Variants in TRAF3IP3 observed in about 807,000 individuals in gnomAD.
TRAF3IP3 encodes the protein TRAF3 interacting protein 3, also known as TRAF3-interacting JNK-activating modulator.
In TRAF3IP3, 64 loss-of-function variants were observed where a neutral mutation model predicts 86.5. That is an observed-to-expected ratio of 0.74 (90% CI 0.60 to 0.91). The LOEUF is 0.91. TRAF3IP3 is among the 40% of genes least tolerant of loss of function. TRAF3IP3 has a pLI of 0.00. For synonymous variants in TRAF3IP3, 220 were observed against 243.9 expected, an observed-to-expected ratio of 0.90 and a Z score of 0.91; for missense variants, 579 against 642.9, an observed-to-expected ratio of 0.90 and a Z score of 1.07.
chr1:209,780,228 A>G, intron 14 of TRAF3IP3: 2 of 309,748 alleles, frequency 6.5e-6, no homozygotes, highest in Non-Finnish European at 1.2e-5. Flanking sequence ...ACTAGATAAG[A>G]CTGGGGATAC....
intron 11 of TRAF3IP3, 49 bp from the exon 12 acceptor site, chr1:209,777,303 C>T: frequency 2.0e-6 from 3 of 1,513,512 alleles, no homozygotes; most frequent in Non-Finnish European, 2.7e-6. Flanking sequence ...CCCCAACCTC[C>T]ACCCCAACAC....
chr1:209,760,323 A>G lies in TRAF3IP3; in HGVS notation c.284A>G (p.Gln95Arg), dbSNP rs142059712. Residue 95 changes from glutamine (Q) to arginine (R), a missense_variant, in exon 3 of 17, where the codon CAG becomes CGG. By Grantham distance (43) the Gln-to-Arg change is conservative. Coordinates refer to ENST00000367025, the MANE Select transcript of TRAF3IP3 (RefSeq NM_025228.4). ...CAAGGGCCCTCCAGGCGGCCAGGAC[A>G]GGTGACTGTCCTCAAGGAACCCTTG... ...REQGPSRRPG[Q>R]VTVLKEPLSC... 1.4e-5 allele frequency: 22 copies of G among 1,613,740 alleles called. No individual in the cohort carries two copies. The African/African-American group carries it at 2.8e-4, about 21-fold the overall frequency.
At chr1:209,757,439 T>A (rs2077174060) in intron 1 of TRAF3IP3, among the ~76,000 whole-genome samples, 1 of 152,132 alleles carries the variant, frequency 6.6e-6, no homozygotes, top group South Asian at 2.1e-4. Context: ...ACCTCACACC[T>A]TATGTGTGAC....
rs2077682267 is a variant in TRAF3IP3 at position 209,777,499 on chromosome 1, C to T, written c.1189+12C>T. On this transcript the variant is annotated intron_variant, in intron 12 of 16. Coordinates refer to ENST00000367025, the MANE Select transcript of TRAF3IP3 (RefSeq NM_025228.4). ...CCAGGACCTACAAGGTACTCTTCTC[C>T]TTGGAGGCCTTGAGTGCATGGCAGC... The T allele has an allele frequency of 6.2e-7, 1 of 1,600,242 alleles. No homozygotes were observed. The highest frequency in any genetic ancestry group is 8.5e-7 in the Non-Finnish European group (1 of 1,171,170).
intron 1 of TRAF3IP3, among the ~76,000 whole-genome samples, chr1:209,757,097 A>G (rs1194251253): frequency 1.3e-5 from 2 of 152,204 alleles, no homozygotes; most frequent in Non-Finnish European, 2.9e-5. Context: ...AAACCTGGGT[A>G]GGGTTCTATG....
intron 8 of TRAF3IP3, among the ~76,000 whole-genome samples, chr1:209,765,952 T>A (rs954943592): frequency 6.6e-6 from 1 of 152,226 alleles, no homozygotes; most frequent in African/African-American, 2.4e-5. Flanking sequence ...AATTAGTATG[T>A]ACTATAAATT....
chr1:209,780,440 C>T (rs575249785), intron 14 of TRAF3IP3, 30 bp from the exon 15 acceptor site: 2 of 1,523,746 alleles, frequency 1.3e-6, no homozygotes, highest in Middle Eastern at 2.4e-4. Flanking sequence ...GTGGGCCTCA[C>T]TGTCACCAAG....
rs558796392 is a variant in TRAF3IP3, at chr1:209,762,850, C to A, written c.531C>A (p.Asn177Lys). Residue 177 changes from asparagine (N) to lysine (K), a missense_variant, in exon 5 of 17, where the codon AAC (asparagine) becomes AAA (lysine). Transcript: ENST00000367025. ...QTKAEGPTIK[N>K]DASQQTNYGV... ...AGGCAGAAGGACCAACAATTAAGAACGATGCCAGTCAGCAAACCAAGTGAG... is the reference window on the plus strand; with the variant it reads ...AGGCAGAAGGACCAACAATTAAGAAAGATGCCAGTCAGCAAACCAAGTGAG... The A allele has an allele frequency of 1.9e-6, 3 of 1,614,192 alleles. No homozygotes were observed. The highest frequency in any genetic ancestry group is 2.5e-6 in the Non-Finnish European group (3 of 1,180,042).
At chr1:209,770,632 C>T (rs1334725487) in intron 8 of TRAF3IP3, among the ~76,000 whole-genome samples, 1 of 131,762 alleles carries the variant, frequency 7.6e-6, no homozygotes, top group Non-Finnish European at 1.6e-5. Flanking sequence ...AAGTTGTGTG[C>T]AGGTGGAGGT....
chr1:209,772,064 T>C (rs2077554552), intron 8 of TRAF3IP3, among the ~76,000 whole-genome samples: 1 of 151,870 alleles, frequency 6.6e-6, no homozygotes, highest in Non-Finnish European at 1.5e-5. Context: ...TGAAGGTGTG[T>C]GTATATGGAG....
In TRAF3IP3 at chr1:209,762,592, C is replaced by A; in HGVS notation, c.423C>A (p.His141Gln). The change falls in exon 4 of 17, where the codon CAC becomes CAA. Residue 141 changes from histidine (H) to glutamine (Q), a missense_variant. Coordinates refer to ENST00000367025, the MANE Select transcript of TRAF3IP3 (RefSeq NM_025228.4). ...PSGICRDLSD[H>Q]LSSQAGGLPP... is the part of the protein sequence containing the mutation. ...GCATCTGCAGGGATCTGTCTGACCA[C>A]CTCTCCTCACAGGCTGGGGGCCTTC... The A allele has an allele frequency of 6.6e-7, 1 of 1,514,594 alleles. No homozygotes were observed. The highest frequency in any genetic ancestry group is 8.8e-7 in the Non-Finnish European group (1 of 1,134,050). The allele number at this position is 1,514,594 out of a possible 1,614,324, so 93.8% of individuals were successfully genotyped here. A position where few individuals can be genotyped will look rare whatever the true frequency, so the allele number is the denominator to read the frequency against.
At chr1:209,766,402 C>G (rs1311327152) in intron 8 of TRAF3IP3, among the ~76,000 whole-genome samples, 3 of 152,208 alleles carry the variant, frequency 2.0e-5, no homozygotes. Flanking sequence ...GCATTACAGT[C>G]CTAACTCTTG....
At chr1:209,768,079 C>T in intron 8 of TRAF3IP3, 1 of 931,138 alleles carries the variant, frequency 1.1e-6, no homozygotes, top group Non-Finnish European at 1.3e-6. Flanking sequence ...GGTAATTCAA[C>T]TCTCTATCTC....
rs755007320 is a variant in TRAF3IP3, at chr1:209,763,501, C to T, written c.616C>T (p.Gln206Ter). ...GTGCCCGCACCCCCAGGAGGCCCTA[C>T]AAAGGGAGCTGGTCCTAAAACAGAA... Reference protein sequence around the residue: ...QLSDYLKEALQRELVLKQKMV... With the variant: ...QLSDYLKEAL The change falls in exon 8 of 17, where the codon CAA (glutamine) becomes TAA (stop). Residue 206 changes from glutamine (Q) to a stop codon, truncating the protein, a stop_gained. Coordinates refer to ENST00000367025, the MANE Select transcript of TRAF3IP3 (RefSeq NM_025228.4). LOFTEE classifies it high-confidence loss of function. The T allele has an allele frequency of 1.2e-6, 2 of 1,614,188 alleles. No homozygotes were observed. The highest frequency in any genetic ancestry group is 3.3e-5 in the Admixed American group (2 of 60,028).
chr1:209,770,917 TGAA>T (rs1394304547), intron 8 of TRAF3IP3, among the ~76,000 whole-genome samples: 3 of 129,944 alleles, frequency 2.3e-5, no homozygotes, highest in Non-Finnish European at 3.2e-5. Flanking sequence ...CGTGTGCAGG[TGAA>T]GGTGTGCGTG....
rs1427222578 is a variant in TRAF3IP3 at position 209,781,404 on chromosome 1, T to C, written c.1509T>C (p.Arg503=). 1 of 1,613,856 alleles carries C rather than the reference T, an allele frequency of 6.2e-7. No individual in the cohort carries two copies. The highest frequency in any genetic ancestry group is 1.1e-5 in the South Asian group (1 of 91,074). The change falls in exon 16 of 17, where the codon CGT becomes CGC. Residue 503 remains arginine, a synonymous_variant. Coordinates refer to ENST00000367025, the MANE Select transcript of TRAF3IP3 (RefSeq NM_025228.4). ...NLSDEYLSCL[R]KLQHCREELN... Reference sequence around the variant, plus strand: ...GTGACGAGTATCTCTCCTGCCTGCGTAAGCTGCAGCACTGTCGAGAAGAGC... The same window carrying C: ...GTGACGAGTATCTCTCCTGCCTGCGCAAGCTGCAGCACTGTCGAGAAGAGC...
intron 1 of TRAF3IP3, among the ~76,000 whole-genome samples, chr1:209,757,557 C>G (rs1020399167): frequency 2.6e-5 from 4 of 152,050 alleles, no homozygotes; most frequent in African/African-American, 4.8e-5. Context: ...ACCCAGAGGT[C>G]AGAAGTAAAT....
Position 209,762,643 on chromosome 1 carries a change from G to A in TRAF3IP3, c.474G>A (p.Lys158=). The change falls in exon 4 of 17, where the codon AAG becomes AAA. Residue 158 remains lysine, a synonymous_variant. Coordinates refer to ENST00000367025, the MANE Select transcript of TRAF3IP3 (RefSeq NM_025228.4). ...GLPPQDTPIK[K]PPKHHRGTQT... is the part of the protein sequence containing the mutation. Reference sequence around the variant, plus strand: ...CTCCACAGGACACTCCCATCAAGAAGCCACCCAAACACCACCGTGGTAAGA... The same window carrying A: ...CTCCACAGGACACTCCCATCAAGAAACCACCCAAACACCACCGTGGTAAGA... 7.2e-7 allele frequency: 1 copy of A among 1,387,662 alleles called. No individual in the cohort carries two copies. Among genetic ancestry groups the A allele is most frequent in the Non-Finnish European group, 9.3e-7 (1 of 1,077,118 alleles). 86.0% of individuals were successfully genotyped at this position (1,387,662 alleles called of 1,614,324 possible). A position where few individuals can be genotyped will look rare whatever the true frequency, so the allele number is the denominator to read the frequency against.
intron 8 of TRAF3IP3, among the ~76,000 whole-genome samples, chr1:209,770,221 G>T (rs1056570227): frequency 6.6e-6 from 1 of 152,174 alleles, no homozygotes; most frequent in African/African-American, 2.4e-5. Context: ...ACCCCCTGCC[G>T]CCCTCACTCT....
Sources: allele counts gnomAD v4.1 joint callset (sites outside exome capture counted in the v4.1 genomes callset), GRCh38; gene constraint gnomAD v4.1.1; transcripts MANE v1.5; gene names NCBI Gene and HGNC (gene_info 2026-07-23, HGNC 2026-07-21).